Variants in HIKESHI observed in about 807,000 individuals in gnomAD.
HIKESHI encodes the protein heat shock protein nuclear import factor hikeshi.
A neutral mutation model predicts 25.7 loss-of-function variants in HIKESHI; 13 were observed. The ratio of observed to expected loss-of-function variants is 0.51; its 90% CI spans 0.33 to 0.80. The LOEUF is 0.80. Ranked by LOEUF, HIKESHI falls within the 30% of genes least tolerant of loss-of-function variation. The pLI is 0.02. For synonymous variants in HIKESHI, 76 were observed against 78.7 expected (o/e 0.97, Z 0.18); for missense variants, 174 against 229.5 (o/e 0.76, Z 1.56).
chr11:86,316,943 A>G (rs763221005), intron 2 of HIKESHI, among the ~76,000 whole-genome samples: 53 of 151,708 alleles, frequency 3.5e-4, no homozygotes, highest in Admixed American at 1.6e-3. Context: ...ACAGGTGACC[A>G]CCACCATGCC....
intron 2 of HIKESHI, among the ~76,000 whole-genome samples, chr11:86,319,217 A>AAT (rs139667221): frequency 0.027 from 3,066 of 114,852 alleles, 80 homozygotes; most frequent in Middle Eastern, 0.051. Flanking sequence ...CTGGCTTAAA[A>AAT]ATATATATAT....
Position 86,337,520 on chromosome 11 carries a change from C to T in HIKESHI, c.410C>T (p.Ser137Leu). ...AATGCTGCTGTATCCTCAGTTGACT[C>T]ATTCACTCAGGTAATGCAACATACA... Reference protein sequence around the residue: ...VGNAAVSSVDSFTQFTQKMLD... With the variant: ...VGNAAVSSVDLFTQFTQKMLD... Residue 137 changes from serine to leucine, a missense_variant, in exon 3 of 5, where the codon TCA becomes TTA. Coordinates refer to ENST00000278483, the MANE Select transcript of HIKESHI (RefSeq NM_016401.4). 1 of 1,612,292 alleles carries T rather than the reference C, an allele frequency of 6.2e-7. No homozygotes were observed. Among genetic ancestry groups the T allele is most frequent in the Non-Finnish European group, 8.5e-7 (1 of 1,179,476 alleles).
chr11:86,335,848 A>G (rs192731064), intron 2 of HIKESHI, among the ~76,000 whole-genome samples: 1 of 152,354 alleles, frequency 6.6e-6, no homozygotes, highest in Non-Finnish European at 1.5e-5. Context: ...TCACATTGTA[A>G]TATTCAAAAT....
chr11:86,326,959 C>T (rs1947297111), intron 2 of HIKESHI, among the ~76,000 whole-genome samples: 2 of 152,030 alleles, frequency 1.3e-5, no homozygotes, highest in Non-Finnish European at 2.9e-5. Context: ...GGCATGGTGG[C>T]GTGTGCCTAT....
intron 2 of HIKESHI, chr11:86,326,386 AT>A (rs1565734091): frequency 7.0e-6 from 3 of 427,168 alleles, no homozygotes; most frequent in East Asian, 7.0e-5. Context: ...CTTTTGTTAT[AT>A]TATGTAATTA....
At chr11:86,308,850 C>G (rs894595844) in intron 2 of HIKESHI, among the ~76,000 whole-genome samples, 15 of 151,858 alleles carry the variant, frequency 9.9e-5, no homozygotes, top group Admixed American at 1.3e-4. Context: ...ATAGTTTGCT[C>G]AGAATGATGG....
chr11:86,325,111 G>C (rs1947240388), intron 2 of HIKESHI, among the ~76,000 whole-genome samples: 1 of 151,918 alleles, frequency 6.6e-6, no homozygotes, highest in Non-Finnish European at 1.5e-5. Flanking sequence ...CTAGGAGGAT[G>C]AAGCTGCAGT....
At chr11:86,322,994 C>T (rs1341765609) in intron 2 of HIKESHI, among the ~76,000 whole-genome samples, 1 of 151,954 alleles carries the variant, frequency 6.6e-6, no homozygotes, top group Admixed American at 6.6e-5. Flanking sequence ...TTAGGGAGGC[C>T]GGGGCAGGTG....
At chr11:86,329,856 A>G (rs1331650837) in intron 2 of HIKESHI, among the ~76,000 whole-genome samples, 1 of 152,038 alleles carries the variant, frequency 6.6e-6, no homozygotes, top group African/African-American at 2.4e-5. Context: ...TTCTTTTAAC[A>G]TAAATTTCCT....
chr11:86,326,422 G>A (rs1947284580), intron 2 of HIKESHI: 1 of 451,988 alleles, frequency 2.2e-6, no homozygotes, highest in Non-Finnish European at 4.4e-6. Flanking sequence ...GAAAGCTTGG[G>A]AAGTTACTTT....
At chr11:86,322,455 G>A (rs571685540) in intron 2 of HIKESHI, among the ~76,000 whole-genome samples, 3 of 152,030 alleles carry the variant, frequency 2.0e-5, no homozygotes, top group South Asian at 4.2e-4. Flanking sequence ...GTGTGTGTGT[G>A]TATATATGTA....
At chr11:86,331,350 A>G (rs1295423830) in intron 2 of HIKESHI, among the ~76,000 whole-genome samples, 4 of 152,138 alleles carry the variant, frequency 2.6e-5, no homozygotes, top group African/African-American at 9.7e-5. Context: ...TTAGCTGCAC[A>G]TGGTGGCACA....
chr11:86,304,466 A>G (rs1399321218), intron 1 of HIKESHI, among the ~76,000 whole-genome samples: 4 of 150,576 alleles, frequency 2.7e-5, no homozygotes, highest in African/African-American at 9.8e-5. Context: ...CTGAAACAAG[A>G]TGGCATGTTC....
chr11:86,313,875 A>G (rs1472933863), intron 2 of HIKESHI, among the ~76,000 whole-genome samples: 6 of 152,144 alleles, frequency 3.9e-5, no homozygotes, highest in Admixed American at 6.5e-5. Flanking sequence ...TGAGAGATCT[A>G]TTGGGCATTC....
chr11:86,316,670 C>T (rs770248957), intron 2 of HIKESHI, among the ~76,000 whole-genome samples: 22 of 150,084 alleles, frequency 1.5e-4, no homozygotes, highest in African/African-American at 5.2e-4. Context: ...ACAGATTAAA[C>T]TTACCAGAGA....
At chr11:86,318,716 C>G (rs892885960) in intron 2 of HIKESHI, among the ~76,000 whole-genome samples, 17 of 152,190 alleles carry the variant, frequency 1.1e-4, no homozygotes, top group African/African-American at 4.1e-4. Flanking sequence ...TATTGAACCC[C>G]ATTCTACTCA....
At chr11:86,318,934 A>G (rs1299118679) in intron 2 of HIKESHI, among the ~76,000 whole-genome samples, 2 of 152,084 alleles carry the variant, frequency 1.3e-5, no homozygotes, top group African/African-American at 4.8e-5. Flanking sequence ...TGTTTGTTTT[A>G]GAGACAGGAT....
chr11:86,308,802 G>A (rs1047038750), intron 2 of HIKESHI, among the ~76,000 whole-genome samples: 12 of 151,914 alleles, frequency 7.9e-5, no homozygotes, highest in Non-Finnish European at 1.5e-4. Flanking sequence ...TCCCACCTAT[G>A]AGTGAGAACA....
At chr11:86,344,519 A>T (rs1947817744) in intron 3 of HIKESHI, 84 bp from the exon 4 acceptor site, 1 of 833,800 alleles carries the variant, frequency 1.2e-6, no homozygotes, top group Non-Finnish European at 1.8e-6. Context: ...AAACAAGTTA[A>T]TGTGAGAACA....
Sources: gnomAD v4.1 joint callset for allele counts (sites outside exome capture counted in the v4.1 genomes callset) on GRCh38, gnomAD v4.1.1 for gene constraint, MANE v1.5 for transcripts, NCBI Gene and HGNC (gene_info 2026-07-23, HGNC 2026-07-21) for gene names.